The following RHBDF1 variants were observed in gnomAD, a reference collection of about 807,000 sequenced individuals.
RHBDF1 encodes inactive rhomboid protein 1.
Under a neutral mutation model 98.6 loss-of-function variants are expected in RHBDF1, and 80 were observed. That is an observed-to-expected ratio of 0.81 (90% CI 0.68 to 0.98). The LOEUF (loss-of-function observed/expected upper bound fraction) is 0.98. Ranked by LOEUF, RHBDF1 falls within the 50% of genes least tolerant of loss-of-function variation. The probability of loss-of-function intolerance (pLI) is 0.00; values close to 1 mark genes in which losing one functional copy is unlikely to be tolerated. For synonymous variants in RHBDF1, 512 were observed against 486.8 expected, an observed-to-expected ratio of 1.05 and a Z score of -0.68; for missense variants, 1,116 against 1,198.3, an observed-to-expected ratio of 0.93 and a Z score of 1.01.
intron 14 of RHBDF1, 48 bp from the exon 15 acceptor site, chr16:59,542 A>G (rs1395627422): frequency 6.3e-7 from 1 of 1,578,226 alleles, no homozygotes; most frequent in Middle Eastern, 1.7e-4. Context: ...GCAGAGGGGG[A>G]TTGCTGGCAT....
chr16:66,602 C>T (rs951583663), intron 1 of RHBDF1, among the ~76,000 whole-genome samples: 4 of 152,172 alleles, frequency 2.6e-5, no homozygotes, highest in African/African-American at 4.8e-5. Context: ...TCAGGGATGC[C>T]TTCTGCTGGC....
intron 3 of RHBDF1, chr16:64,065 G>A (rs1000773386): frequency 6.2e-6 from 4 of 642,640 alleles, no homozygotes; most frequent in Admixed American, 2.4e-5. Context: ...CATCCCTGAG[G>A]GGCAGTTGAG....
At position 64,360 on chromosome 16, in the gene RHBDF1, C is replaced by A. The variant is rs892343060; in HGVS notation, c.248+339G>T. On this transcript the variant is annotated intron_variant, in intron 3 of 17. Coordinates refer to ENST00000262316, the MANE Select transcript of RHBDF1 (RefSeq NM_022450.5). ...GAGCAGGGACCAAGAGAGAGACTGG[C>A]GCTGTGGGAAGGCCCTGCGGGCAGC... 15 of 1,371,178 alleles carry A rather than the reference C, an allele frequency of 1.1e-5. No individual in the cohort carries two copies. The East Asian group carries it at 3.8e-4, about 35-fold the overall frequency. 84.9% of individuals were successfully genotyped at this position (1,371,178 alleles called of 1,614,324 possible).
At chr16:67,818 G>A (rs1376655463) in intron 1 of RHBDF1, among the ~76,000 whole-genome samples, 1 of 152,210 alleles carries the variant, frequency 6.6e-6, no homozygotes, top group Non-Finnish European at 1.5e-5. Context: ...TCCCTAATCT[G>A]GGGTAACGGA....
chr16:59,305 G>T lies in RHBDF1; in HGVS notation c.1938C>A (p.Asn646Lys). 1 of 1,612,068 alleles carries T rather than the reference G, an allele frequency of 6.2e-7. No individual in the cohort carries two copies. Among genetic ancestry groups the T allele is most frequent in the Non-Finnish European group, 8.5e-7 (1 of 1,178,902 alleles). The change falls in exon 16 of 18, where the codon AAC (asparagine) becomes AAA (lysine). Residue 646 changes from asparagine to lysine, a missense_variant. Asn to Lys is a moderately conservative substitution (Grantham distance 94). Coordinates refer to ENST00000262316, the MANE Select transcript of RHBDF1 (RefSeq NM_022450.5). The stretch of plus-strand genomic sequence containing the variant: ...GGTAGAACTGGTCAGGCACCTCGGG[G>T]TTGAGAAAAGGCAGGAGCCCACACA... Reference protein sequence around the residue: ...DDVCGLLPFLNPEVPDQFYRL... With the variant: ...DDVCGLLPFLKPEVPDQFYRL...
At position 58,116 on chromosome 16, in the gene RHBDF1, G is replaced by A. The variant is rs1002662794; in HGVS notation, c.*224C>T. The A allele has an allele frequency of 4.0e-6, 2 of 504,568 alleles. No individual in the cohort carries two copies. 31.3% of individuals were successfully genotyped at this position (504,568 alleles called of 1,614,324 possible). On this transcript the variant is annotated 3_prime_UTR_variant, in exon 18 of 18. Transcript: ENST00000262316. The stretch of plus-strand genomic sequence containing the variant: ...CATTTATTGGCCACATGAGGTGGTC[G>A]TCAAGAAACAAGTTAGAAGGTTATG...
chr16:72,769 T>G (rs2141874701), upstream of RHBDF1: 1 of 801,892 alleles, frequency 1.2e-6, no homozygotes, highest in Non-Finnish European at 1.5e-6. Flanking sequence ...GGCTCCCTTC[T>G]CCCCAGGGTC....
Position 58,446 on chromosome 16 carries a change from A to G in RHBDF1, c.2462T>C (p.Leu821Pro), listed in dbSNP as rs750283540. The G allele has an allele frequency of 1.2e-6, 2 of 1,614,096 alleles. No homozygotes were observed. The highest frequency in any genetic ancestry group is 8.5e-7 in the Non-Finnish European group (1 of 1,180,038). Reference protein sequence around the residue: ...FLGLLAGLVVLFYVYPVRCEW... With the variant: ...FLGLLAGLVVPFYVYPVRCEW... Reference sequence around the variant, plus strand: ...ACAGCGGACAGGATAGACGTAGAAGAGGACCACCAGGCCAGCCAGGAGGCC... The same window carrying G: ...ACAGCGGACAGGATAGACGTAGAAGGGGACCACCAGGCCAGCCAGGAGGCC... The change falls in exon 18 of 18, where the codon CTC becomes CCC. Residue 821 changes from leucine to proline, a missense_variant. Coordinates refer to ENST00000262316, the MANE Select transcript of RHBDF1 (RefSeq NM_022450.5).
rs747791150 is a variant in RHBDF1, at chr16:62,594, C to T, written c.897G>A (p.Ala299=). The T allele has an allele frequency of 5.7e-5, 92 of 1,613,602 alleles. No homozygotes were observed. The highest frequency in any genetic ancestry group is 4.9e-4 in the Middle Eastern group (3 of 6,084). Residue 299 remains alanine (A), a synonymous_variant, in exon 7 of 18, where the codon GCG becomes GCA. Transcript: ENST00000262316. ...GGTCCAGGGCCCCGCCGGTGAGGTC[C>T]GCCTGCTCCGGTGCCTTCTCCCAGT... ...LKDWEKAPEQ[A]DLTGGALDRS...
chr16:62,216 C>G, intron 7 of RHBDF1, 164 bp from the exon 8 acceptor site: 1 of 1,012,552 alleles, frequency 9.9e-7, no homozygotes, highest in South Asian at 1.8e-5. Context: ...TGCGGGCCTC[C>G]GGGGATGGCA....
chr16:58,794 G>A (rs1177738879), intron 17 of RHBDF1, 35 bp from the exon 18 acceptor site: 2 of 1,599,666 alleles, frequency 1.3e-6, no homozygotes, highest in African/African-American at 2.7e-5. Context: ...AAGGCAGTGG[G>A]GCTGGGCAGG....
At chr16:61,094 C>T (rs1182824154) in intron 11 of RHBDF1, 26 bp downstream of exon 11, 16 of 1,514,154 alleles carry the variant, frequency 1.1e-5, no homozygotes, top group Non-Finnish European at 1.3e-5. Context: ...CAGACGAAGG[C>T]GGGAGTCCCG....
At chr16:66,584 G>A (rs970904442) in intron 1 of RHBDF1, among the ~76,000 whole-genome samples, 1 of 152,244 alleles carries the variant, frequency 6.6e-6, no homozygotes, top group Admixed American at 6.5e-5. Flanking sequence ...CAGGTGGGAG[G>A]GGGTACTTCA....
chr16:64,073 G>C (rs1198788084), intron 3 of RHBDF1: 4 of 641,328 alleles, frequency 6.2e-6, no homozygotes. Flanking sequence ...AGGGGCAGTT[G>C]AGGGGAGGCA....
chr16:72,668 G>C, upstream of RHBDF1: 6 of 980,790 alleles, frequency 6.1e-6, no homozygotes, highest in Non-Finnish European at 7.3e-6. Flanking sequence ...GGCGGGCCCG[G>C]CCGGAGCGGG....
At chr16:59,969 C>T (rs1290662820) in intron 13 of RHBDF1, 143 bp from the exon 14 acceptor site, 9 of 1,497,484 alleles carry the variant, frequency 6.0e-6, no homozygotes, top group Admixed American at 4.4e-5. Flanking sequence ...GGCCACCACA[C>T]TGAGTCTCTA....
intron 1 of RHBDF1, among the ~76,000 whole-genome samples, chr16:67,088 C>T (rs746636880): frequency 2.0e-5 from 3 of 152,214 alleles, no homozygotes; most frequent in Admixed American, 6.5e-5. Context: ...ATATGGACTG[C>T]AGTACCATCA....
chr16:74,720 T>C (rs2141877383), upstream of RHBDF1: 1 of 152,204 alleles, frequency 6.6e-6, no homozygotes, highest in Non-Finnish European at 1.5e-5. Flanking sequence ...AAGTGAAGAA[T>C]CACAAAAGAA....
At chr16:72,189 C>A (rs1044426270) in intron 1 of RHBDF1, among the ~76,000 whole-genome samples, 2 of 152,208 alleles carry the variant, frequency 1.3e-5, no homozygotes, top group African/African-American at 4.8e-5. Context: ...AGCTGTTGGG[C>A]GGGGGCTGGA....
Sources: gnomAD v4.1 joint callset for allele counts (sites outside exome capture counted in the v4.1 genomes callset) on GRCh38, gnomAD v4.1.1 for gene constraint, MANE v1.5 for transcripts, NCBI Gene and HGNC (gene_info 2026-07-23, HGNC 2026-07-21) for gene names.